HIBCH: variants seen among roughly 807,000 people sequenced by gnomAD.
HIBCH encodes the protein 3-hydroxyisobutyryl-CoA hydrolase.
HIBCH carries 50 observed loss-of-function variants against 58.2 expected under a neutral mutation model. The observed-to-expected ratio is 0.86, with a 90% CI of 0.68 to 1.09. HIBCH has a LOEUF of 1.09. Among genes scored for constraint, HIBCH ranks in the 50% least tolerant of loss-of-function variants. The pLI, the probability that HIBCH is intolerant of heterozygous loss-of-function variation, is 0.00. For synonymous variants in HIBCH, 151 were observed against 146.9 expected, an observed-to-expected ratio of 1.03 and a Z score of -0.20; for missense variants, 450 against 449.7, an observed-to-expected ratio of 1.00 and a Z score of -0.01.
intron 2 of HIBCH, among the ~76,000 whole-genome samples, chr2:190,302,133 C>T (rs949985668): frequency 3.9e-5 from 6 of 152,108 alleles, no homozygotes; most frequent in Non-Finnish European, 7.4e-5. Flanking sequence ...GAAAAGAGAG[C>T]TTTACTTCTC....
In HIBCH at chr2:190,306,821, T is replaced by C. The variant is rs1487748903; in HGVS notation, c.78+3933A>G. On this transcript the variant is annotated intron_variant, in intron 2 of 13. Transcript: ENST00000359678. The surrounding 1 kb of genome is among the most constrained non-coding windows in gnomAD (Gnocchi z 4.6). ...ACCTTTGAGAGGTAATTAGGTCATGTCAGCCCTCATGAATGAGATTAACGC... is the reference window on the plus strand; with the variant it reads ...ACCTTTGAGAGGTAATTAGGTCATGCCAGCCCTCATGAATGAGATTAACGC... Among the ~76,000 whole-genome samples, 1 of 152,146 alleles carries C rather than the reference T, an allele frequency of 6.6e-6. No individual in the cohort carries two copies. Among genetic ancestry groups the C allele is most frequent in the Non-Finnish European group, 1.5e-5 (1 of 68,018 alleles).
chr2:190,249,434 T>G (rs975665238), intron 9 of HIBCH, among the ~76,000 whole-genome samples: 1 of 152,238 alleles, frequency 6.6e-6, no homozygotes, highest in Non-Finnish European at 1.5e-5. Flanking sequence ...AAGACAGCTA[T>G]GCAGCTGCAC....
At chr2:190,299,977 G>A (rs926695279) in intron 2 of HIBCH, among the ~76,000 whole-genome samples, 2 of 152,228 alleles carry the variant, frequency 1.3e-5, no homozygotes, top group Non-Finnish European at 2.9e-5. Context: ...GTCCCTCCAT[G>A]TTCCTGCAAA....
At position 190,282,241 on chromosome 2, in the gene HIBCH, G is replaced by T. The variant is rs550565734; in HGVS notation, c.438+5345C>A. Reference sequence around the variant, plus strand: ...TCAATTTTCTGTCTCAGTCCATTTTGTGCTACTGTAACAGGATACACAGAC... The same window carrying T: ...TCAATTTTCTGTCTCAGTCCATTTTTTGCTACTGTAACAGGATACACAGAC... On this transcript the variant is annotated intron_variant, in intron 6 of 13. Transcript: ENST00000359678. Among the ~76,000 whole-genome samples, 68 of 152,158 alleles carry T rather than the reference G, an allele frequency of 4.5e-4. 1 individual carries two copies. Among genetic ancestry groups the T allele is most frequent in the African/African-American group, 1.6e-3 (66 of 41,502 alleles).
Position 190,246,195 on chromosome 2 carries a change from G to T in HIBCH, c.768C>A (p.Asp256Glu). The stretch of plus-strand genomic sequence containing the variant: ...TGTGTTCCTCAAGTATAAAAGACTT[G>T]TCTCGATCAATCTTAGACTGTTTGA... ...NYHTESKIDR[D>E]KSFILEEHMD... is the part of the protein sequence containing the mutation. Residue 256 changes from aspartate (D) to glutamate (E), a missense_variant, in exon 10 of 14, where the codon GAC becomes GAA. By Grantham distance (45) the Asp-to-Glu change is conservative. Coordinates refer to ENST00000359678, the MANE Select transcript of HIBCH (RefSeq NM_014362.4). The T allele has an allele frequency of 1.3e-6, 2 of 1,592,968 alleles. No individual in the cohort carries two copies. Among genetic ancestry groups the T allele is most frequent in the Non-Finnish European group, 1.7e-6 (2 of 1,161,998 alleles).
intron 11 of HIBCH, among the ~76,000 whole-genome samples, chr2:190,224,669 C>T (rs949502480): frequency 1.3e-5 from 2 of 152,158 alleles, no homozygotes; most frequent in Non-Finnish European, 2.9e-5. Context: ...GACTCAGACT[C>T]CCACACAATA....
At chr2:190,253,348 CA>C in intron 7 of HIBCH, among the ~76,000 whole-genome samples, 1 of 152,200 alleles carries the variant, frequency 6.6e-6, no homozygotes, top group Admixed American at 6.5e-5. Context: ...GATAAAAATG[CA>C]AGCACTAAAA....
At chr2:190,245,358 G>A (rs954426940) in intron 10 of HIBCH, 5 of 195,086 alleles carry the variant, frequency 2.6e-5, no homozygotes, top group African/African-American at 7.2e-5. Context: ...TTTGCTGATC[G>A]GCTTGATAAG....
rs2105886296 is a variant in HIBCH at position 190,197,759 on chromosome 2, CTGGTTTTGGCAA to C, written c.*17+7329_*17+7340del. On this transcript the variant is annotated intron_variant, in intron 1 of 1. Coordinates refer to the HIBCH transcript ENST00000399855. This position sits in a 1 kb window ranked among gnomAD's most constrained non-coding sequence, Gnocchi z 4.0. ...ACATATATTTTGTCTGGTTTTAAAA[CTGGTTTTGGCAA>C]ATGCACAAATCTGGCACTACTTTGT... Among the ~76,000 whole-genome samples the C allele has an allele frequency of 6.6e-6, 1 of 152,182 alleles. No individual in the cohort carries two copies. Among genetic ancestry groups the C allele is most frequent in the East Asian group, 1.9e-4 (1 of 5,204 alleles).
At chr2:190,316,851 T>C (rs948723037) in intron 1 of HIBCH, among the ~76,000 whole-genome samples, 5 of 152,176 alleles carry the variant, frequency 3.3e-5, no homozygotes, top group African/African-American at 4.8e-5. Flanking sequence ...ACAATACAGT[T>C]CAGCAGAGGA....
chr2:190,293,995 A>G (rs868149152), intron 4 of HIBCH, among the ~76,000 whole-genome samples: 1 of 142,554 alleles, frequency 7.0e-6, no homozygotes, highest in South Asian at 2.2e-4. Context: ...TACTTACAAT[A>G]TATATTTTGT....
chr2:190,315,497 A>G lies in HIBCH; in HGVS notation c.35+4219T>C, dbSNP rs1316575316. On this transcript the variant is annotated intron_variant, in intron 1 of 13. Transcript: ENST00000359678. This position sits in a 1 kb window ranked among gnomAD's most constrained non-coding sequence, Gnocchi z 5.4. The stretch of plus-strand genomic sequence containing the variant: ...GTTATGATGCGTGAAGTTTAAATAA[A>G]CAACTGTCTTAGATGAGAACTTTAT... 6.6e-6 allele frequency among the ~76,000 whole-genome samples: 1 copy of G among 152,218 alleles called. No individual in the cohort carries two copies. The highest frequency in any genetic ancestry group is 2.4e-5 in the African/African-American group (1 of 41,450).
At chr2:190,291,318 T>C (rs1358523380) in intron 4 of HIBCH, among the ~76,000 whole-genome samples, 2 of 152,168 alleles carry the variant, frequency 1.3e-5, no homozygotes, top group Non-Finnish European at 2.9e-5. Flanking sequence ...CTAAAACATA[T>C]TCTTTGTCCT....
In HIBCH at chr2:190,304,958, GGTTC is replaced by G. The variant is rs1365440453; in HGVS notation, c.78+5792_78+5795del. Among the ~76,000 whole-genome samples the G allele has an allele frequency of 9.1e-6, 1 of 110,324 alleles. No individual in the cohort carries two copies. Among genetic ancestry groups the G allele is most frequent in the Non-Finnish European group, 2.0e-5 (1 of 49,946 alleles). The allele number at this position is 110,324 out of a possible 152,430, so 72.4% of individuals were successfully genotyped here. ...TAGAATTGAAGCACAAAAAATCCTG[GGTTC>G]TAGCCTTAAGTCTCTCTAACTGTGT... On this transcript the variant is annotated intron_variant, in intron 2 of 13. Coordinates refer to ENST00000359678, the MANE Select transcript of HIBCH (RefSeq NM_014362.4). The surrounding 1 kb of genome is among the most constrained non-coding windows in gnomAD (Gnocchi z 4.1).
At chr2:190,286,436 A>G (rs911808434) in intron 6 of HIBCH, among the ~76,000 whole-genome samples, 2 of 151,918 alleles carry the variant, frequency 1.3e-5, no homozygotes, top group African/African-American at 4.8e-5. Context: ...ATGCTTCTCT[A>G]TTGTCAATCT....
intron 7 of HIBCH, among the ~76,000 whole-genome samples, chr2:190,259,401 C>T (rs957838299): frequency 2.0e-5 from 3 of 146,944 alleles, no homozygotes; most frequent in Admixed American, 7.0e-5. Flanking sequence ...CTCTATTGCC[C>T]AGGCTACAGT....
chr2:190,286,588 T>G (rs1382667541), intron 6 of HIBCH, among the ~76,000 whole-genome samples: 1 of 152,190 alleles, frequency 6.6e-6, no homozygotes, highest in Non-Finnish European at 1.5e-5. Flanking sequence ...TGAAGACCAA[T>G]TCTGACCCCT....
intron 11 of HIBCH, among the ~76,000 whole-genome samples, chr2:190,231,377 T>C (rs1686091640): frequency 6.6e-6 from 1 of 152,184 alleles, no homozygotes; most frequent in African/African-American, 2.4e-5. Flanking sequence ...ATTAAAAACA[T>C]TTGATCATCA....
At chr2:190,196,844 C>T (rs566922174) in intron 1 of HIBCH, among the ~76,000 whole-genome samples, 6 of 152,202 alleles carry the variant, frequency 3.9e-5, no homozygotes, top group African/African-American at 1.4e-4. Context: ...AACATAGACC[C>T]TATGTGTCTT....
Sources: allele counts gnomAD v4.1 joint callset (sites outside exome capture counted in the v4.1 genomes callset), GRCh38; gene constraint gnomAD v4.1.1; non-coding constraint Gnocchi (gnomAD v3.1); transcripts MANE v1.5; gene names NCBI Gene and HGNC (gene_info 2026-07-23, HGNC 2026-07-21).